SNTG1: variants seen among roughly 807,000 people sequenced by gnomAD.
SNTG1 encodes the protein syntrophin gamma 1.
Under a neutral mutation model 74.7 loss-of-function variants are expected in SNTG1, and 39 were observed. That is an observed-to-expected ratio of 0.52 (90% confidence interval 0.40 to 0.68). SNTG1 has a LOEUF of 0.68. Ranked by LOEUF, SNTG1 falls within the 30% of genes least tolerant of loss-of-function variation. The pLI, the probability that SNTG1 is intolerant of heterozygous loss-of-function variation, is 0.00. For synonymous variants in SNTG1, 254 were observed against 217.1 expected (o/e 1.17, Z -1.49); for missense variants, 685 against 609.5 (o/e 1.12, Z -1.30).
intron 3 of SNTG1, among the ~76,000 whole-genome samples, chr8:50,397,676 G>T (rs527631131): frequency 6.6e-6 from 1 of 152,306 alleles, no homozygotes; most frequent in African/African-American, 2.4e-5. Context: ...CCCATTAGGA[G>T]ATTATTGATA....
intron 2 of SNTG1, among the ~76,000 whole-genome samples, chr8:50,365,923 T>A (rs1055124827): frequency 2.0e-5 from 3 of 152,172 alleles, no homozygotes; most frequent in Non-Finnish European, 2.9e-5. Context: ...CTAGATTGGA[T>A]TCTGGGCAGC....
At chr8:50,703,555 A>G (rs1435643292) in intron 15 of SNTG1, among the ~76,000 whole-genome samples, 2 of 152,140 alleles carry the variant, frequency 1.3e-5, no homozygotes, top group Non-Finnish European at 2.9e-5. Flanking sequence ...TAGAAGGAGT[A>G]CACTAAAAAA....
At chr8:50,570,483 T>C (rs2094542136) in intron 12 of SNTG1, among the ~76,000 whole-genome samples, 1 of 149,336 alleles carries the variant, frequency 6.7e-6, no homozygotes. Flanking sequence ...GGTCTTGAAC[T>C]CCTAACCTCA....
At chr8:50,463,031 G>T (rs866028749) in intron 8 of SNTG1, among the ~76,000 whole-genome samples, 3 of 151,960 alleles carry the variant, frequency 2.0e-5, no homozygotes, top group African/African-American at 7.2e-5. Flanking sequence ...TGGCCAGGCT[G>T]GTCTTGAACT....
chr8:50,490,110 G>A (rs895146340), intron 8 of SNTG1, among the ~76,000 whole-genome samples: 1 of 152,118 alleles, frequency 6.6e-6, no homozygotes, highest in African/African-American at 2.4e-5. Flanking sequence ...TGAGGTCTCT[G>A]TTCTGTTCCA....
chr8:50,595,895 TTTTAAG>T (rs2094724134), intron 13 of SNTG1, among the ~76,000 whole-genome samples: 2 of 152,078 alleles, frequency 1.3e-5, no homozygotes, highest in Admixed American at 1.3e-4. Context: ...ATTTGCTTCA[TTTTAAG>T]TTTTAGTGTA....
intron 1 of SNTG1, among the ~76,000 whole-genome samples, chr8:49,937,382 C>T (rs970797751): frequency 6.6e-6 from 1 of 152,110 alleles, no homozygotes; most frequent in African/African-American, 2.4e-5. Flanking sequence ...TGGGGTTCAG[C>T]GTGCTGATAA....
At chr8:50,091,462 C>T (rs2079735499) in intron 1 of SNTG1, among the ~76,000 whole-genome samples, 1 of 152,074 alleles carries the variant, frequency 6.6e-6, no homozygotes, top group Non-Finnish European at 1.5e-5. Context: ...CTCCCAATCC[C>T]TGGTTATCAT....
chr8:50,645,182 TATAGAAAA>T (rs776915720), intron 13 of SNTG1, among the ~76,000 whole-genome samples: 131,616 of 150,720 alleles, frequency 0.87, 57,731 homozygotes, highest in African/African-American at 0.95. Flanking sequence ...CCTTGAAACA[TATAGAAAA>T]TATGTTTATT....
At chr8:50,414,090 C>T (rs2092985157) in intron 4 of SNTG1, among the ~76,000 whole-genome samples, 1 of 152,136 alleles carries the variant, frequency 6.6e-6, no homozygotes, top group African/African-American at 2.4e-5. Flanking sequence ...GCTGCTGATG[C>T]ACTCACTAAA....
At chr8:49,939,228 C>T (rs931401342) in intron 1 of SNTG1, among the ~76,000 whole-genome samples, 4 of 151,980 alleles carry the variant, frequency 2.6e-5, no homozygotes, top group African/African-American at 7.2e-5. Flanking sequence ...TTAACTTTAC[C>T]GTTCTAATGG....
rs1316055514 is a variant in SNTG1 at position 50,553,129 on chromosome 8, G to A, written c.760G>A (p.Asp254Asn). Reference sequence around the variant, plus strand: ...GTGCCTCTCTGCTGAAGACTGCGTTGACTGGCTACAAGCAATAGCAACTAA... The same window carrying A: ...GTGCCTCTCTGCTGAAGACTGCGTTAACTGGCTACAAGCAATAGCAACTAA... ...IQCLSAEDCVDWLQAIATNIS... is the reference protein window; with the variant it reads ...IQCLSAEDCVNWLQAIATNIS... The change falls in exon 12 of 19, where the codon GAC becomes AAC. Residue 254 changes from aspartate to asparagine, a missense_variant. By Grantham distance (23) the Asp-to-Asn change is conservative. Coordinates refer to ENST00000642720, the MANE Select transcript of SNTG1 (RefSeq NM_018967.5). The A allele has an allele frequency of 6.2e-7, 1 of 1,613,940 alleles. No homozygotes were observed. The highest frequency in any genetic ancestry group is 1.7e-5 in the Admixed American group (1 of 59,976).
chr8:50,080,043 A>G (rs1333611972), intron 1 of SNTG1, among the ~76,000 whole-genome samples: 1 of 151,958 alleles, frequency 6.6e-6, no homozygotes, highest in Non-Finnish European at 1.5e-5. Context: ...TTGTTTTTCT[A>G]ATTTCATTTT....
chr8:50,780,913 T>C (rs902080728), intron 18 of SNTG1, among the ~76,000 whole-genome samples: 1 of 152,236 alleles, frequency 6.6e-6, no homozygotes, highest in African/African-American at 2.4e-5. Context: ...GTCTTTGTTC[T>C]CGTTGCTTTC....
chr8:50,056,762 C>T (rs907661110), intron 1 of SNTG1, among the ~76,000 whole-genome samples: 1 of 152,190 alleles, frequency 6.6e-6, no homozygotes, highest in African/African-American at 2.4e-5. Context: ...GTTTCAGCTT[C>T]CAACAATGTC....
chr8:50,788,661 A>G (rs140012453), intron 18 of SNTG1, among the ~76,000 whole-genome samples: 1 of 151,986 alleles, frequency 6.6e-6, no homozygotes, highest in African/African-American at 2.4e-5. Flanking sequence ...TAAATTCCAG[A>G]TTTTATGCCT....
chr8:50,702,143 C>A (rs961981511), intron 15 of SNTG1, among the ~76,000 whole-genome samples: 1 of 151,790 alleles, frequency 6.6e-6, no homozygotes, highest in South Asian at 2.1e-4. Context: ...TGAGCCACTG[C>A]GCCCAGCCTC....
chr8:50,059,615 ACTT>A (rs1353104456), intron 1 of SNTG1, among the ~76,000 whole-genome samples: 1 of 152,082 alleles, frequency 6.6e-6, no homozygotes, highest in African/African-American at 2.4e-5. Flanking sequence ...TTTGTGATTC[ACTT>A]CTTTCACTTA....
chr8:50,670,587 G>T (rs969259928), intron 15 of SNTG1, among the ~76,000 whole-genome samples: 2 of 147,280 alleles, frequency 1.4e-5, no homozygotes, highest in Middle Eastern at 3.5e-3. Context: ...TGGGTAGGAA[G>T]AATCAATATC....
Sources: gnomAD v4.1 joint callset for allele counts (sites outside exome capture counted in the v4.1 genomes callset) on GRCh38, gnomAD v4.1.1 for gene constraint, MANE v1.5 for transcripts, NCBI Gene and HGNC (gene_info 2026-07-23, HGNC 2026-07-21) for gene names.